The following TMEM178B variants were observed in gnomAD, a reference collection of about 807,000 sequenced individuals.
TMEM178B encodes transmembrane protein 178B.
TMEM178B carries 5 observed loss-of-function variants against 31.0 expected under a neutral mutation model. The observed-to-expected ratio is 0.16, with a 90% CI of 0.08 to 0.34. The LOEUF (loss-of-function observed/expected upper bound fraction) is 0.34, where lower values mean the gene tolerates loss of function less well. Ranked by LOEUF, TMEM178B falls within the 10% of genes least tolerant of loss-of-function variation. The probability of loss-of-function intolerance (pLI) is 1.00; values close to 1 mark genes in which losing one functional copy is unlikely to be tolerated. For synonymous variants in TMEM178B, 164 were observed against 164.0 expected (o/e 1.00, Z 0.00); for missense variants, 275 against 400.3 (o/e 0.69, Z 2.67).
rs148941100 is a variant in TMEM178B at position 141,154,002 on chromosome 7, C to G, written c.383-58589C>G. The stretch of plus-strand genomic sequence containing the variant: ...TCAATTCTTTTACTCATTTTGAAGT[C>G]TTGATGAATATTTATTCAGTGCTGT... On this transcript the variant is annotated intron_variant, in intron 1 of 3. Transcript: ENST00000565468. Among the ~76,000 whole-genome samples, 40 of 152,284 alleles carry G rather than the reference C, an allele frequency of 2.6e-4. 1 individual carries two copies. In the East Asian group the frequency reaches 7.7e-3, roughly 29 times the overall value.
chr7:141,289,988 CAA>C (rs1344737921), intron 2 of TMEM178B, among the ~76,000 whole-genome samples: 1 of 152,008 alleles, frequency 6.6e-6, no homozygotes, highest in Admixed American at 6.5e-5. Context: ...CTCCCCGCAA[CAA>C]AAAAAGAAGA....
intron 2 of TMEM178B, among the ~76,000 whole-genome samples, chr7:141,285,300 G>T (rs1182760014): frequency 6.6e-6 from 1 of 150,754 alleles, no homozygotes; most frequent in East Asian, 2.0e-4. Context: ...AGAGGTGCCC[G>T]CCACCACATC....
At chr7:141,322,196 A>G (rs544219517) in intron 2 of TMEM178B, among the ~76,000 whole-genome samples, 1 of 152,192 alleles carries the variant, frequency 6.6e-6, no homozygotes, top group East Asian at 1.9e-4. Context: ...CACAATGCCG[A>G]GGAGTATAAC....
chr7:141,333,219 G>A (rs546335886), intron 2 of TMEM178B, among the ~76,000 whole-genome samples: 1 of 152,308 alleles, frequency 6.6e-6, no homozygotes, highest in African/African-American at 2.4e-5. Context: ...CGCGTTAGTT[G>A]GTAGGCCTTG....
At chr7:141,360,478 G>T (rs910981933) in intron 2 of TMEM178B, among the ~76,000 whole-genome samples, 2 of 152,214 alleles carry the variant, frequency 1.3e-5, no homozygotes, top group African/African-American at 4.8e-5. Context: ...CTTTCACAAA[G>T]AGTAAGCCTT....
In TMEM178B at chr7:141,074,520, G is replaced by A; in HGVS notation, c.210G>A (p.Ser70=). ...NNNLPLRASR[S]RLDRWEGKLL... ...ACTTGCCGCTCCGGGCGAGCCGCTCGCGCCTGGACCGCTGGGAGGGCAAAC... is the reference window on the plus strand; with the variant it reads ...ACTTGCCGCTCCGGGCGAGCCGCTCACGCCTGGACCGCTGGGAGGGCAAAC... Residue 70 remains serine, a synonymous_variant, in exon 1 of 4, where the codon TCG becomes TCA. Transcript: ENST00000565468. The surrounding 1 kb of genome is among the most constrained non-coding windows in gnomAD (Gnocchi z 5.1). 6.5e-7 allele frequency: 1 copy of A among 1,535,990 alleles called. No homozygotes were observed. The highest frequency in any genetic ancestry group is 1.2e-5 in the South Asian group (1 of 84,060).
intron 2 of TMEM178B, among the ~76,000 whole-genome samples, chr7:141,242,657 T>C (rs1333700558): frequency 6.6e-6 from 1 of 150,794 alleles, no homozygotes; most frequent in Non-Finnish European, 1.5e-5. Flanking sequence ...TTCTCCTGCC[T>C]CAGCTCCCGG....
At chr7:141,320,361 T>C (rs540216973) in intron 2 of TMEM178B, among the ~76,000 whole-genome samples, 1 of 152,318 alleles carries the variant, frequency 6.6e-6, no homozygotes, top group East Asian at 1.9e-4. Context: ...ACATTGGCCA[T>C]TATATGAGTC....
intron 1 of TMEM178B, among the ~76,000 whole-genome samples, chr7:141,189,361 T>C (rs570957791): frequency 2.0e-5 from 3 of 152,210 alleles, no homozygotes; most frequent in South Asian, 4.1e-4. Flanking sequence ...CAGGAATGAA[T>C]AGCTGAGCCT....
chr7:141,378,813 G>A (rs531968078), intron 2 of TMEM178B, among the ~76,000 whole-genome samples: 2 of 152,320 alleles, frequency 1.3e-5, no homozygotes, highest in East Asian at 1.9e-4. Context: ...GGATGGTAGC[G>A]AGAGTGAAAG....
chr7:141,080,899 G>T (rs1008170187), intron 1 of TMEM178B, among the ~76,000 whole-genome samples: 1 of 152,190 alleles, frequency 6.6e-6, no homozygotes, highest in Non-Finnish European at 1.5e-5. Context: ...TTGGGTTGAG[G>T]CTGGTGTAAA....
At chr7:141,253,476 G>T (rs1797867810) in intron 2 of TMEM178B, among the ~76,000 whole-genome samples, 1 of 146,512 alleles carries the variant, frequency 6.8e-6, no homozygotes, top group African/African-American at 2.5e-5. Context: ...GCTGCATTAA[G>T]TTAAATATTT....
intron 2 of TMEM178B, among the ~76,000 whole-genome samples, chr7:141,315,412 C>T (rs558650160): frequency 2.1e-4 from 32 of 152,184 alleles, no homozygotes; most frequent in Non-Finnish European, 3.2e-4. Context: ...CCCTGGAACA[C>T]GCCAAGGGCA....
chr7:141,503,174 C>T, the TMEM178B span, among the ~76,000 whole-genome samples: 3 of 152,184 alleles, frequency 2.0e-5, no homozygotes, highest in Non-Finnish European at 4.4e-5. Context: ...CTATTTTACA[C>T]GTGGAGTCAA....
intron 2 of TMEM178B, among the ~76,000 whole-genome samples, chr7:141,387,682 C>A (rs1220636344): frequency 1.3e-5 from 2 of 152,316 alleles, no homozygotes; most frequent in East Asian, 3.9e-4. Flanking sequence ...TGCGCACCCC[C>A]GTTCCTGTCA....
At chr7:141,418,501 T>C (rs1392320160) in intron 2 of TMEM178B, among the ~76,000 whole-genome samples, 1 of 152,204 alleles carries the variant, frequency 6.6e-6, no homozygotes, top group Non-Finnish European at 1.5e-5. Flanking sequence ...TTTATGATCT[T>C]ATGTCTTATT....
In TMEM178B at chr7:141,480,135, A is replaced by AG. The variant is rs963334908; in HGVS notation, c.*9351dup. 3 of 152,208 alleles carry AG rather than the reference A, an allele frequency of 2.0e-5. No homozygotes were observed. The highest frequency in any genetic ancestry group is 7.2e-5 in the African/African-American group (3 of 41,452). 9.4% of individuals were successfully genotyped at this position (152,208 alleles called of 1,614,324 possible). ...AGGGGGGATGAAAAGGGAAATTGCC[A>AG]GGTTCCTGTGACTTTGAAAGGACTG... On this transcript the variant is annotated 3_prime_UTR_variant, in exon 4 of 4. Coordinates refer to ENST00000565468, the MANE Select transcript of TMEM178B (RefSeq NM_001195278.2).
chr7:141,259,796 G>A (rs1476716930), intron 2 of TMEM178B, among the ~76,000 whole-genome samples: 1 of 152,092 alleles, frequency 6.6e-6, no homozygotes, highest in African/African-American at 2.4e-5. Flanking sequence ...AATCTGGTAG[G>A]GCCTCCATCC....
intron 2 of TMEM178B, among the ~76,000 whole-genome samples, chr7:141,350,908 A>G (rs1455833530): frequency 1.3e-5 from 2 of 152,224 alleles, no homozygotes; most frequent in Non-Finnish European, 2.9e-5. Flanking sequence ...TCGTGTCTAA[A>G]GAGTCAAAGA....
Sources: allele counts gnomAD v4.1 joint callset (sites outside exome capture counted in the v4.1 genomes callset), GRCh38; gene constraint gnomAD v4.1.1; non-coding constraint Gnocchi (gnomAD v3.1); transcripts MANE v1.5; gene names NCBI Gene and HGNC (gene_info 2026-07-23, HGNC 2026-07-21).